The following RUNX1 variants were observed in gnomAD, a reference collection of about 807,000 sequenced individuals.
RUNX1 encodes RUNX family transcription factor 1.
Under a neutral mutation model 42.8 loss-of-function variants are expected in RUNX1, and 19 were observed. That is an observed-to-expected ratio of 0.44 (90% CI 0.31 to 0.65). RUNX1 has a LOEUF of 0.65. RUNX1 is among the 30% of genes least tolerant of loss of function. The probability of loss-of-function intolerance (pLI) is 0.07; values close to 1 mark genes in which losing one functional copy is unlikely to be tolerated. For synonymous variants in RUNX1, 271 were observed against 289.4 expected, an observed-to-expected ratio of 0.94 and a Z score of 0.64; for missense variants, 528 against 672.0, an observed-to-expected ratio of 0.79 and a Z score of 2.37.
intron 2 of RUNX1, among the ~76,000 whole-genome samples, chr21:34,900,503 A>C (rs1279104392): frequency 6.6e-6 from 1 of 152,232 alleles, no homozygotes; most frequent in African/African-American, 2.4e-5. Context: ...TCCTGAAGCA[A>C]AGTTCAGAAT....
chr21:34,897,891 G>T (rs1202940891), intron 2 of RUNX1, among the ~76,000 whole-genome samples: 1 of 152,056 alleles, frequency 6.6e-6, no homozygotes. Context: ...TTTTGCATAT[G>T]TAATTAAGGT....
Position 34,868,525 on chromosome 21 carries a change from C to T in RUNX1, c.509-8947G>A, listed in dbSNP as rs542686744. ...GGAGCATCTCTCAGCTCCCAACAGG[C>T]CAGGTGCTCCTTCCTCACTCTGCTT... On this transcript the variant is annotated intron_variant, in intron 5 of 8. Transcript: ENST00000675419. Among the ~76,000 whole-genome samples, 3 of 152,290 alleles carry T rather than the reference C, an allele frequency of 2.0e-5. No homozygotes were observed. In the East Asian group the frequency reaches 5.8e-4, roughly 29 times the overall value.
intron 2 of RUNX1, among the ~76,000 whole-genome samples, chr21:35,034,760 G>A (rs1008312622): frequency 1.6e-4 from 24 of 152,238 alleles, no homozygotes; most frequent in African/African-American, 5.5e-4. Context: ...TGTCTGGTGT[G>A]AGCAGAGGGC....
intron 2 of RUNX1, among the ~76,000 whole-genome samples, chr21:34,919,414 C>T (rs2058336919): frequency 6.6e-6 from 1 of 152,102 alleles, no homozygotes; most frequent in South Asian, 2.1e-4. Context: ...GATAAGGGAC[C>T]CATCCCGTGT....
chr21:34,888,720 TTA>T, intron 3 of RUNX1: 1 of 1,025,788 alleles, frequency 9.7e-7, no homozygotes, highest in Non-Finnish European at 1.2e-6. Flanking sequence ...GAACGTGCTT[TTA>T]CTGTAAGCCC....
intron 2 of RUNX1, among the ~76,000 whole-genome samples, chr21:35,031,375 C>A (rs1188519560): frequency 6.6e-6 from 1 of 151,832 alleles, no homozygotes. Context: ...CAAGAGATAA[C>A]AAGTATTGGT....
chr21:34,834,556 G>A lies in RUNX1; in HGVS notation c.659C>T (p.Ser220Phe). The A allele has an allele frequency of 6.2e-7, 1 of 1,600,940 alleles. No individual in the cohort carries two copies. Among genetic ancestry groups the A allele is most frequent in the Non-Finnish European group, 8.5e-7 (1 of 1,173,610 alleles). The change falls in exon 7 of 9, where the codon TCC becomes TTC. Residue 220 changes from serine (S) to phenylalanine (F), a missense_variant. By Grantham distance (155) the Ser-to-Phe change is radical (BLOSUM62 -2). Transcript: ENST00000675419. Reference sequence around the variant, plus strand: ...CAGTTCACTGAGCCGCTCGGAAAAGGACAAGCTCCCGGGCTTGGTCTGATC... The same window carrying A: ...CAGTTCACTGAGCCGCTCGGAAAAGAACAAGCTCCCGGGCTTGGTCTGATC... ...LDDQTKPGSL[S>F]FSERLSELEQ... is the part of the protein sequence containing the mutation.
chr21:34,808,317 T>C (rs1354664769), intron 7 of RUNX1, among the ~76,000 whole-genome samples: 1 of 151,922 alleles, frequency 6.6e-6, no homozygotes, highest in Non-Finnish European at 1.5e-5. Context: ...AGGCCTCAGG[T>C]TTTGAGGGAT....
intron 2 of RUNX1, among the ~76,000 whole-genome samples, chr21:35,027,829 G>C (rs879870420): frequency 2.0e-5 from 3 of 152,200 alleles, no homozygotes; most frequent in Non-Finnish European, 4.4e-5. Flanking sequence ...TTCAGAAGTT[G>C]AATGGTTTTG....
intron 7 of RUNX1, chr21:34,821,756 G>A: frequency 1.4e-6 from 2 of 1,455,090 alleles, no homozygotes; most frequent in Admixed American, 2.0e-5. Flanking sequence ...TCTTTATAGA[G>A]CCGCGAATGC....
At chr21:34,958,175 G>T (rs2058658228) in intron 2 of RUNX1, among the ~76,000 whole-genome samples, 1 of 152,160 alleles carries the variant, frequency 6.6e-6, no homozygotes, top group Non-Finnish European at 1.5e-5. Flanking sequence ...CCATTACTGA[G>T]CAAGTAGACA....
At position 34,882,668 on chromosome 21, in the gene RUNX1, C is replaced by T. The variant is rs1221585688; in HGVS notation, c.352-1955G>A. On this transcript the variant is annotated intron_variant, in intron 4 of 8. Coordinates refer to ENST00000675419, the MANE Select transcript of RUNX1 (RefSeq NM_001754.5). ...TATCACGGAAATAAATCTCCCTGAT[C>T]AGTTATTTGGTTATTGCTACTGTTT... 2.7e-5 allele frequency among the ~76,000 whole-genome samples: 4 copies of T among 150,848 alleles called. 1 individual carries two copies. The highest frequency in any genetic ancestry group is 6.6e-5 in the Admixed American group (1 of 15,158).
At chr21:34,887,515 T>G in intron 3 of RUNX1, 5 of 1,163,924 alleles carry the variant, frequency 4.3e-6, no homozygotes, top group Non-Finnish European at 5.3e-6. Context: ...AGCAAACACA[T>G]TATTTGGAAG....
intron 2 of RUNX1, among the ~76,000 whole-genome samples, chr21:34,960,846 T>C (rs2058676828): frequency 6.6e-6 from 1 of 152,152 alleles, no homozygotes. Context: ...CAAAGAGCCT[T>C]GTAAATGTCT....
At chr21:35,046,232 T>G (rs903668995) in intron 2 of RUNX1, among the ~76,000 whole-genome samples, 1 of 152,212 alleles carries the variant, frequency 6.6e-6, no homozygotes, top group Non-Finnish European at 1.5e-5. Context: ...GTAGACCACA[T>G]CAATTTCATG....
At chr21:34,951,376 A>G (rs1233535459) in intron 2 of RUNX1, among the ~76,000 whole-genome samples, 1 of 152,180 alleles carries the variant, frequency 6.6e-6, no homozygotes, top group Non-Finnish European at 1.5e-5. Flanking sequence ...ATTAGATCCC[A>G]TTTGTCAATT....
chr21:34,980,273 G>C (rs1404762791), intron 2 of RUNX1, among the ~76,000 whole-genome samples: 1 of 152,142 alleles, frequency 6.6e-6, no homozygotes, highest in Non-Finnish European at 1.5e-5. Context: ...CAAGTACCCA[G>C]GGAAAAATCA....
intron 2 of RUNX1, among the ~76,000 whole-genome samples, chr21:35,030,326 G>A (rs567387982): frequency 6.6e-6 from 1 of 151,768 alleles, no homozygotes; most frequent in Non-Finnish European, 1.5e-5. Flanking sequence ...CTGAGTGACA[G>A]AGTGAGACTC....
chr21:34,888,630 T>C (rs2058033167), intron 3 of RUNX1: 2 of 1,054,334 alleles, frequency 1.9e-6, no homozygotes, highest in Non-Finnish European at 2.3e-6. Context: ...CCGGGCAGCG[T>C]GGTGCCCTGG....
Sources: gnomAD v4.1 joint callset for allele counts (sites outside exome capture counted in the v4.1 genomes callset) on GRCh38, gnomAD v4.1.1 for gene constraint, MANE v1.5 for transcripts, NCBI Gene and HGNC (gene_info 2026-07-23, HGNC 2026-07-21) for gene names.